SSBP4: variants seen among roughly 807,000 people sequenced by gnomAD.
The protein encoded by SSBP4 is single stranded DNA binding protein 4.
SSBP4 carries 33 observed loss-of-function variants against 64.6 expected under a neutral mutation model. The observed-to-expected ratio is 0.51, with a 90% confidence interval of 0.39 to 0.68. SSBP4 has a LOEUF of 0.68. SSBP4 is among the 30% of genes least tolerant of loss of function. SSBP4 has a pLI of 0.00. For synonymous variants in SSBP4, 243 were observed against 224.0 expected, an observed-to-expected ratio of 1.08 and a Z score of -0.76; for missense variants, 583 against 566.8, an observed-to-expected ratio of 1.03 and a Z score of -0.29.
At chr19:18,406,302 G>A in the SSBP4 span, among the ~76,000 whole-genome samples, 12 of 151,040 alleles carry the variant, frequency 7.9e-5, no homozygotes, top group Non-Finnish European at 1.3e-4. Flanking sequence ...ATAGGTGTGC[G>A]CCACCATGCC....
the SSBP4 span, among the ~76,000 whole-genome samples, chr19:18,408,582 C>A: frequency 6.6e-6 from 1 of 151,850 alleles, no homozygotes; most frequent in African/African-American, 2.4e-5. Context: ...AAACTCCGCC[C>A]CCCAGGTTCA....
chr19:18,433,319 G>T (rs1462995108), intron 15 of SSBP4, 106 bp downstream of exon 15: 4 of 1,418,532 alleles, frequency 2.8e-6, no homozygotes, highest in African/African-American at 1.4e-5. Flanking sequence ...GCGTCTAGTG[G>T]CGTCCTGAGC....
chr19:18,427,479 T>C lies in SSBP4; in HGVS notation c.132+56T>C. 1 of 1,577,814 alleles carries C rather than the reference T, an allele frequency of 6.3e-7. No individual in the cohort carries two copies. The highest frequency in any genetic ancestry group is 1.1e-5 in the South Asian group (1 of 89,428). On this transcript the variant is annotated intron_variant, in intron 2 of 17. Transcript: ENST00000270061. The surrounding 1 kb of genome is among the most constrained non-coding windows in gnomAD (Gnocchi z 4.4). Reference sequence around the variant, plus strand: ...TCCTCACCCACACTCCGGGGGTCCTTCATTTCCACTGGGGATCCAGGGGGT... The same window carrying C: ...TCCTCACCCACACTCCGGGGGTCCTCCATTTCCACTGGGGATCCAGGGGGT...
At chr19:18,422,717 G>A (rs1248490018) in intron 1 of SSBP4, among the ~76,000 whole-genome samples, 3 of 152,232 alleles carry the variant, frequency 2.0e-5, no homozygotes, top group Admixed American at 1.3e-4. Flanking sequence ...AGCACCTGCC[G>A]GGGCAGCCAC....
At chr19:18,430,692 C>G (rs1014347765) in intron 4 of SSBP4, 149 bp from the exon 5 acceptor site, 7 of 635,032 alleles carry the variant, frequency 1.1e-5, no homozygotes, top group Non-Finnish European at 1.8e-5. Flanking sequence ...ACCCACAGAT[C>G]CTCAGGCCGA....
Position 18,431,369 on chromosome 19 carries a change from A to G in SSBP4, c.386A>G (p.Gln129Arg). The G allele has an allele frequency of 1.4e-6, 1 of 702,168 alleles. No individual in the cohort carries two copies. Among genetic ancestry groups the G allele is most frequent in the Non-Finnish European group, 1.8e-6 (1 of 553,376 alleles). The allele number at this position is 702,168 out of a possible 1,614,324, so 43.5% of individuals were successfully genotyped here. Residue 129 changes from glutamine (Q) to arginine (R), a missense_variant, in exon 6 of 18, where the codon CAG (glutamine) becomes CGG (arginine). Around this residue, in one of 5 missense-constraint regions of SSBP4, gnomAD observed 444 missense variants for 386.6 expected, o/e 1.15. Transcript: ENST00000270061. ...TCCTCCTAGGGCCCCCCCGGCTCCC[A>G]GCCGTCCCCCCACAACCCCAACGCC... ...AGFFQGPPGSQPSPHNPNAPM... is the reference protein window; with the variant it reads ...AGFFQGPPGSRPSPHNPNAPM...
chr19:18,426,850 C>T lies in SSBP4; in HGVS notation c.60-501C>T, dbSNP rs1972890896. 6.6e-6 allele frequency among the ~76,000 whole-genome samples: 1 copy of T among 152,154 alleles called. No homozygotes were observed. The highest frequency in any genetic ancestry group is 2.4e-5 in the African/African-American group (1 of 41,438). ...GGACAGTCTGCAGAAAGGGTTGAGGCCACCATGGTGGATGGGCATCTCTTC... is the reference window on the plus strand; with the variant it reads ...GGACAGTCTGCAGAAAGGGTTGAGGTCACCATGGTGGATGGGCATCTCTTC... On this transcript the variant is annotated intron_variant, in intron 1 of 17. Transcript: ENST00000270061. The surrounding 1 kb of genome is among the most constrained non-coding windows in gnomAD (Gnocchi z 4.5).
At chr19:18,414,621 C>G (rs545013348), upstream of SSBP4, among the ~76,000 whole-genome samples, 1 of 152,130 alleles carries the variant, frequency 6.6e-6, no homozygotes, top group Admixed American at 6.5e-5. Context: ...GGTGGGGCTT[C>G]GATGTGTGGC....
At chr19:18,421,855 T>A (rs1972487044) in intron 1 of SSBP4, among the ~76,000 whole-genome samples, 1 of 152,072 alleles carries the variant, frequency 6.6e-6, no homozygotes, top group Non-Finnish European at 1.5e-5. Context: ...TGGACACAGT[T>A]GTCTGAAAGA....
intron 4 of SSBP4, among the ~76,000 whole-genome samples, chr19:18,429,141 G>A (rs925647101): frequency 1.6e-4 from 25 of 152,266 alleles, no homozygotes; most frequent in Non-Finnish European, 3.4e-4. Flanking sequence ...TCGTCATGCC[G>A]GGCCGTCGCC....
At position 18,432,876 on chromosome 19, in the gene SSBP4, C is replaced by T. The variant is rs1292288777; in HGVS notation, c.834C>T (p.Ser278=). The change falls in exon 13 of 18, where the codon AGC becomes AGT. Residue 278 remains serine, a synonymous_variant. Transcript: ENST00000270061. The part of the protein sequence containing the change: ...GGPPGTPIMP[S]PGDSTNSSEN... ...CCCCTGGAACACCCATCATGCCTAGCCCTGGAGGTATGGCCTAGTAAGAGG... is the reference window on the plus strand; with the variant it reads ...CCCCTGGAACACCCATCATGCCTAGTCCTGGAGGTATGGCCTAGTAAGAGG... 4.3e-6 allele frequency: 7 copies of T among 1,613,884 alleles called. No homozygotes were observed. Among genetic ancestry groups the T allele is most frequent in the Non-Finnish European group, 5.9e-6 (7 of 1,179,996 alleles).
chr19:18,430,684 C>T (rs1321729557), intron 4 of SSBP4, among the ~76,000 whole-genome samples, 157 bp from the exon 5 acceptor site: 2 of 152,138 alleles, frequency 1.3e-5, no homozygotes, highest in Non-Finnish European at 2.9e-5. Flanking sequence ...GTCTTCAGAC[C>T]CACAGATCCT....
chr19:18,420,450 G>T (rs1176046874), intron 1 of SSBP4, among the ~76,000 whole-genome samples: 2 of 152,196 alleles, frequency 1.3e-5, no homozygotes, highest in Non-Finnish European at 1.5e-5. Flanking sequence ...GTGGGGCTGA[G>T]GTCTCTCGGG....
intron 4 of SSBP4, among the ~76,000 whole-genome samples, chr19:18,429,899 G>A (rs774511702): frequency 1.3e-5 from 2 of 152,128 alleles, no homozygotes; most frequent in African/African-American, 2.4e-5. Flanking sequence ...AGCCCCACAG[G>A]GGGAGGGAGG....
intron 4 of SSBP4, among the ~76,000 whole-genome samples, chr19:18,429,729 A>G (rs1284914218): frequency 6.6e-6 from 1 of 152,018 alleles, no homozygotes; most frequent in East Asian, 1.9e-4. Context: ...GCACAGGAGT[A>G]GGGCACGAGG....
intron 1 of SSBP4, chr19:18,425,773 C>T (rs1972810140): frequency 6.6e-6 from 1 of 152,514 alleles, no homozygotes. Flanking sequence ...GGGTGGCCTT[C>T]ACAGCTCATG....
the SSBP4 span, among the ~76,000 whole-genome samples, chr19:18,410,831 G>A: frequency 6.6e-6 from 1 of 152,074 alleles, no homozygotes; most frequent in Non-Finnish European, 1.5e-5. Flanking sequence ...CCTTGGCGAA[G>A]GCAGGCAACT....
In SSBP4 at chr19:18,434,007, C is replaced by G. The variant is rs1034241728; in HGVS notation, c.1128+190C>G. 11 of 993,286 alleles carry G rather than the reference C, an allele frequency of 1.1e-5. No homozygotes were observed. In the African/African-American group the frequency reaches 1.6e-4, roughly 14 times the overall value. The allele number at this position is 993,286 out of a possible 1,614,324, so 61.5% of individuals were successfully genotyped here. ...CCCCCACCACCTCCCGCTCCTATTT[C>G]ACCGTCCCGATCCCATCCGCCCCCA... On this transcript the variant is annotated intron_variant, in intron 17 of 17. Transcript: ENST00000270061.
rs1011083479 is a variant in SSBP4, at chr19:18,431,693, G to T, written c.482G>T (p.Arg161Leu). The T allele has an allele frequency of 8.4e-6, 13 of 1,551,942 alleles. No individual in the cohort carries two copies. In the African/African-American group the frequency reaches 1.6e-4, roughly 20 times the overall value. ...RFPGGPRPTL[R>L]MPSQPPAGLP... ...CCAGGGGGCCCCCGGCCCACCCTGC[G>T]GATGCCGAGTCAGGTGAGAAAGGGA... The change falls in exon 7 of 18, where the codon CGG becomes CTG. Residue 161 changes from arginine to leucine, a missense_variant. Arg to Leu is a moderately radical substitution (Grantham distance 102). Coordinates refer to ENST00000270061, the MANE Select transcript of SSBP4 (RefSeq NM_032627.5).
Sources: gnomAD v4.1 joint callset for allele counts (sites outside exome capture counted in the v4.1 genomes callset) on GRCh38, gnomAD v4.1.1 for gene constraint, gnomAD v4.1.1 regional missense constraint, Gnocchi (gnomAD v3.1) non-coding constraint, MANE v1.5 for transcripts, NCBI Gene and HGNC (gene_info 2026-07-23, HGNC 2026-07-21) for gene names.